GALNT16: variants seen among roughly 807,000 people sequenced by gnomAD.
GALNT16 encodes UDP-GalNAc:polypeptide N-acetylgalactosaminyltransferase-like protein 1.
Under a neutral mutation model 76.1 loss-of-function variants are expected in GALNT16, and 40 were observed. The observed-to-expected ratio is 0.53, with a 90% CI of 0.41 to 0.68. GALNT16 has a LOEUF of 0.68. Ranked by LOEUF, GALNT16 falls within the 30% of genes least tolerant of loss-of-function variation. The pLI is 0.00. For missense variants in GALNT16, 621 were observed against 731.9 expected, an observed-to-expected ratio of 0.85 and a Z score of 1.75; for synonymous variants, 276 against 285.2, an observed-to-expected ratio of 0.97 and a Z score of 0.32.
intron 1 of GALNT16, among the ~76,000 whole-genome samples, chr14:69,279,993 T>C (rs913699861): frequency 6.6e-5 from 10 of 152,260 alleles, no homozygotes; most frequent in African/African-American, 2.2e-4. Flanking sequence ...GTGCCTGGTA[T>C]TGATTTATTT....
intron 10 of GALNT16, among the ~76,000 whole-genome samples, 186 bp downstream of exon 10, chr14:69,338,963 C>A (rs1339641914): frequency 6.6e-6 from 1 of 152,034 alleles, no homozygotes; most frequent in Admixed American, 6.6e-5. Flanking sequence ...GGAGTTGCCA[C>A]CAGGTCTCTC....
chr14:69,381,230 C>T, the GALNT16 span, among the ~76,000 whole-genome samples: 1 of 152,078 alleles, frequency 6.6e-6, no homozygotes, highest in African/African-American at 2.4e-5. Flanking sequence ...GAGCCGAGAT[C>T]GTGCCACTGC....
chr14:69,304,923 T>C (rs1160260913), intron 1 of GALNT16, among the ~76,000 whole-genome samples: 1 of 152,208 alleles, frequency 6.6e-6, no homozygotes, highest in East Asian at 1.9e-4. Flanking sequence ...AATGCTGCAT[T>C]GAACAAAGGA....
Position 69,352,047 on chromosome 14 carries a change from G to A in GALNT16, c.1556G>A (p.Gly519Glu), listed in dbSNP as rs267604039. The A allele has an allele frequency of 1.2e-6, 2 of 1,612,920 alleles. No individual in the cohort carries two copies. The highest frequency in any genetic ancestry group is 1.1e-5 in the South Asian group (1 of 90,878). ...TCCTCCTAGAAATGGAGGAGAAAAG[G>A]ATCTTTCATCCAGCATTCAGTCAGT... ...REGKQKWRRK[G>E]SFIQHSVSGL... is the part of the protein sequence containing the mutation. Residue 519 changes from glycine to glutamate, a missense_variant, in exon 15 of 15, where the codon GGA (glycine) becomes GAA (glutamate). Transcript: ENST00000448469.
intron 5 of GALNT16, among the ~76,000 whole-genome samples, chr14:69,327,007 A>C (rs987558217): frequency 2.0e-5 from 3 of 152,238 alleles, no homozygotes; most frequent in African/African-American, 4.8e-5. Flanking sequence ...TGGAAGCCAG[A>C]AGAAAGCATT....
chr14:69,296,939 C>A (rs1266578520), intron 1 of GALNT16, among the ~76,000 whole-genome samples: 3 of 152,162 alleles, frequency 2.0e-5, no homozygotes, highest in African/African-American at 7.2e-5. Flanking sequence ...GCTTAGAAAT[C>A]TTTCCATATC....
chr14:69,305,117 C>A (rs1237591728), intron 1 of GALNT16, among the ~76,000 whole-genome samples: 1 of 146,084 alleles, frequency 6.8e-6, no homozygotes, highest in Admixed American at 7.2e-5. Context: ...TCTCCACATC[C>A]TCACCAACAC....
chr14:69,347,774 A>C, intron 13 of GALNT16, 103 bp from the exon 14 acceptor site: 1 of 1,229,924 alleles, frequency 8.1e-7, no homozygotes, highest in Middle Eastern at 1.9e-4. Context: ...ATTTGTAGAA[A>C]TCTTACAAAA....
intron 1 of GALNT16, among the ~76,000 whole-genome samples, chr14:69,300,993 G>C (rs1027269471): frequency 6.6e-6 from 1 of 152,190 alleles, no homozygotes; most frequent in Non-Finnish European, 1.5e-5. Flanking sequence ...TAAAGTGCTT[G>C]CTGTGAGGCA....
At position 69,305,950 on chromosome 14, in the gene GALNT16, A is replaced by T. The variant is rs1392686210; in HGVS notation, c.178-14761A>T. 4.6e-5 allele frequency among the ~76,000 whole-genome samples: 7 copies of T among 152,188 alleles called. No individual in the cohort carries two copies. In the East Asian group the frequency reaches 1.3e-3, roughly 29 times the overall value. On this transcript the variant is annotated intron_variant, in intron 1 of 14. Coordinates refer to ENST00000448469, the MANE Select transcript of GALNT16 (RefSeq NM_001168368.2). ...TGAGTTGATTTTGGCGTATAGCATAAGATAGGGGCCCAGTTCCATTCTTTT... is the reference window on the plus strand; with the variant it reads ...TGAGTTGATTTTGGCGTATAGCATATGATAGGGGCCCAGTTCCATTCTTTT...
the GALNT16 span, among the ~76,000 whole-genome samples, chr14:69,370,916 C>A: frequency 1.1e-4 from 17 of 152,236 alleles, no homozygotes; most frequent in African/African-American, 4.1e-4. Flanking sequence ...CCCACCTATG[C>A]TAGGGTCATT....
At chr14:69,359,691 A>G (rs12232173), downstream of GALNT16, among the ~76,000 whole-genome samples, 19,292 of 152,234 alleles carry the variant, frequency 0.13, 1,353 homozygotes, top group East Asian at 0.18. Context: ...GCATGTGTCA[A>G]TGGTCCCACA....
At chr14:69,309,761 G>T (rs189342653) in intron 1 of GALNT16, among the ~76,000 whole-genome samples, 4 of 151,948 alleles carry the variant, frequency 2.6e-5, no homozygotes, top group Non-Finnish European at 5.9e-5. Flanking sequence ...TTTTCCCAAC[G>T]TGATGTTTGT....
intron 9 of GALNT16, among the ~76,000 whole-genome samples, chr14:69,336,170 G>T (rs888402632): frequency 5.9e-5 from 9 of 152,108 alleles, no homozygotes; most frequent in Non-Finnish European, 8.8e-5. Flanking sequence ...GAAGGCAGTG[G>T]CACAATCTTA....
At chr14:69,260,036 C>T, upstream of GALNT16, 1 of 410,778 alleles carries the variant, frequency 2.4e-6, no homozygotes, top group Non-Finnish European at 4.4e-6. Context: ...GCGGGGCCGG[C>T]CCTGCGCACG....
intron 9 of GALNT16, 100 bp from the exon 10 acceptor site, chr14:69,338,551 T>G (rs2045443196): frequency 2.0e-6 from 3 of 1,527,718 alleles, no homozygotes; most frequent in Non-Finnish European, 2.7e-6. Context: ...CCCCAACATG[T>G]ACCTCCAGTG....
intron 1 of GALNT16, among the ~76,000 whole-genome samples, chr14:69,294,929 G>A (rs1299084031): frequency 1.3e-5 from 2 of 152,024 alleles, no homozygotes; most frequent in East Asian, 3.9e-4. Flanking sequence ...TATATTAGTA[G>A]TTTGTTCATT....
chr14:69,301,384 CT>C (rs2044850247), intron 1 of GALNT16, among the ~76,000 whole-genome samples: 1 of 152,128 alleles, frequency 6.6e-6, no homozygotes, highest in African/African-American at 2.4e-5. Flanking sequence ...GACGGAGTCT[CT>C]CTGTGTTGCC....
chr14:69,353,017 G>A lies in GALNT16; in HGVS notation c.*849G>A, dbSNP rs1594873873. ...CTTCTATTTGGCCATGTGTCAGGCT[G>A]AGACCTCTCTCTCGGGCATTAATGA... On this transcript the variant is annotated 3_prime_UTR_variant, in exon 15 of 15. Transcript: ENST00000448469. Among the ~76,000 whole-genome samples the A allele has an allele frequency of 1.3e-5, 2 of 152,292 alleles. No homozygotes were observed. The highest frequency in any genetic ancestry group is 3.9e-4 in the East Asian group (2 of 5,172).
Sources: gnomAD v4.1 joint callset for allele counts (sites outside exome capture counted in the v4.1 genomes callset) on GRCh38, gnomAD v4.1.1 for gene constraint, MANE v1.5 for transcripts, NCBI Gene and HGNC (gene_info 2026-07-23, HGNC 2026-07-21) for gene names.